CDCA5: variants seen among roughly 807,000 people sequenced by gnomAD.
CDCA5 encodes sororin.
A neutral mutation model predicts 25.7 loss-of-function variants in CDCA5; 14 were observed. That is an observed-to-expected ratio of 0.54 (90% CI 0.36 to 0.85). The LOEUF is 0.85. Among genes scored for constraint, CDCA5 ranks in the 40% least tolerant of loss-of-function variants. The pLI is 0.01. For missense variants in CDCA5, 307 were observed against 324.5 expected (o/e 0.95, Z 0.41); for synonymous variants, 127 against 128.7 (o/e 0.99, Z 0.09).
chr11:65,083,375 T>A lies in CDCA5; in HGVS notation c.232A>T (p.Arg78Trp). Residue 78 changes from arginine (R) to tryptophan (W), a missense_variant, in exon 4 of 6, where the codon AGG becomes TGG. Physicochemically the swap from Arg to Trp is moderately radical, Grantham distance 101 (BLOSUM62 -3). Coordinates refer to ENST00000275517, the MANE Select transcript of CDCA5 (RefSeq NM_080668.4). ...VEVPAVQSPRRSPRISFFLEK... is the reference protein window; with the variant it reads ...VEVPAVQSPRWSPRISFFLEK... ...GAAAGTGAACTCACCCTAGGGCTCC[T>A]GCGAGGTGATTGGACAGCTGGGACC... 1 of 1,614,214 alleles carries A rather than the reference T, an allele frequency of 6.2e-7. No homozygotes were observed. Among genetic ancestry groups the A allele is most frequent in the Non-Finnish European group, 8.5e-7 (1 of 1,180,048 alleles).
chr11:65,061,854 C>A (rs2137049283), downstream of CDCA5, among the ~76,000 whole-genome samples: 1 of 150,166 alleles, frequency 6.7e-6, no homozygotes, highest in South Asian at 2.1e-4. Flanking sequence ...AGACCAGAAA[C>A]CCGCAAGTAT....
Position 65,083,364 on chromosome 11 carries a change from C to T in CDCA5, c.243G>A (p.Arg81=), listed in dbSNP as rs895632769. ...ATTAAGTAGATGAAAGTGAACTCAC[C>T]CTAGGGCTCCTGCGAGGTGATTGGA... is the stretch of plus-strand genomic sequence containing the variant. ...PAVQSPRRSP[R]ISFFLEKENE... The change falls in exon 4 of 6, where the codon AGG becomes AGA. Residue 81 remains arginine, a splice_region_variant and synonymous_variant. Coordinates refer to ENST00000275517, the MANE Select transcript of CDCA5 (RefSeq NM_080668.4). 1.9e-6 allele frequency: 3 copies of T among 1,614,070 alleles called. No individual in the cohort carries two copies. Among genetic ancestry groups the T allele is most frequent in the Non-Finnish European group, 2.5e-6 (3 of 1,180,008 alleles).
rs200080207 is a variant in CDCA5, at chr11:65,083,682, G to A, written c.88C>T (p.Gln30Ter). 1 of 1,614,180 alleles carries A rather than the reference G, an allele frequency of 6.2e-7. No homozygotes were observed. Among genetic ancestry groups the A allele is most frequent in the East Asian group, 2.2e-5 (1 of 44,880 alleles). Residue 30 changes from glutamine (Q) to a stop codon, truncating the protein, a stop_gained, in exon 2 of 6, where the codon CAG becomes TAG. Transcript: ENST00000275517. LOFTEE classifies it high-confidence loss of function. ...PSPTKPLRRS[Q>*]RKSGSELPSI... ...GGGAGTTCAGAGCCTGATTTCCGCT[G>A]GGACCTCCGCAGAGGCTTAGTAGGA... is the stretch of plus-strand genomic sequence containing the variant.
chr11:65,081,025 A>G (rs907881804), intron 4 of CDCA5, among the ~76,000 whole-genome samples: 3 of 152,220 alleles, frequency 2.0e-5, no homozygotes, highest in South Asian at 2.1e-4. Flanking sequence ...TGGGAACAGA[A>G]GGTGCAACAA....
chr11:65,067,699 C>T, exon 4 of CDCA5: 1 of 1,289,830 alleles, frequency 7.8e-7, no homozygotes, highest in Non-Finnish European at 1.0e-6. Flanking sequence ...TTGAGGTCCG[C>T]TGGGGGCCCC....
downstream of CDCA5, among the ~76,000 whole-genome samples, chr11:65,076,201 G>A (rs1033630494): frequency 1.3e-5 from 2 of 152,116 alleles, no homozygotes; most frequent in African/African-American, 4.8e-5. Context: ...CTGTAGCCCC[G>A]ACCTCCCAGG....
chr11:65,078,263 CT>C lies in CDCA5; in HGVS notation c.*843del. 1.0e-6 allele frequency: 1 copy of C among 985,452 alleles called. No individual in the cohort carries two copies. The highest frequency in any genetic ancestry group is 1.2e-6 in the Non-Finnish European group (1 of 829,956). The allele number at this position is 985,452 out of a possible 1,614,324, so 61.0% of individuals were successfully genotyped here. On this transcript the variant is annotated 3_prime_UTR_variant, in exon 6 of 6. Coordinates refer to ENST00000275517, the MANE Select transcript of CDCA5 (RefSeq NM_080668.4). ...TGACAAGAGGGGCCACCTTCCACCC[CT>C]GCAGCAGAGTGGTAAGACTCCAGCG...
At chr11:65,063,244 G>A (rs1165478414), downstream of CDCA5, among the ~76,000 whole-genome samples, 2 of 152,210 alleles carry the variant, frequency 1.3e-5, no homozygotes, top group Non-Finnish European at 1.5e-5. Flanking sequence ...TTTCAGTGCT[G>A]GGTGTTCCCA....
chr11:65,069,425 G>A (rs1947300084), intron 1 of CDCA5, among the ~76,000 whole-genome samples: 1 of 151,854 alleles, frequency 6.6e-6, no homozygotes, highest in Admixed American at 6.6e-5. Flanking sequence ...GCTTGTGGCT[G>A]TGTTATATTG....
chr11:65,082,063 G>GTA (rs1227850738), intron 4 of CDCA5, among the ~76,000 whole-genome samples: 1 of 152,182 alleles, frequency 6.6e-6, no homozygotes, highest in East Asian at 1.9e-4. Flanking sequence ...ACCCAGTACT[G>GTA]TATATCATCC....
exon 7 of CDCA5, chr11:65,066,456 T>A (rs1396388772): frequency 7.8e-7 from 1 of 1,283,884 alleles, no homozygotes; most frequent in African/African-American, 1.5e-5. Context: ...GAGACCTGCC[T>A]TCCGGGGGTT....
chr11:65,079,443 T>C lies in CDCA5; in HGVS notation c.588A>G (p.Ala196=), dbSNP rs1293252542. Residue 196 remains alanine, a synonymous_variant, in exon 5 of 6, where the codon GCA becomes GCG. Coordinates refer to ENST00000275517, the MANE Select transcript of CDCA5 (RefSeq NM_080668.4). ...GAGTCATGTCTGGGGCCCAGGGCTTTGCACAAACCCTGGGGACCTCGGTGA... is the reference window on the plus strand; with the variant it reads ...GAGTCATGTCTGGGGCCCAGGGCTTCGCACAAACCCTGGGGACCTCGGTGA... ...SKLTEVPRVC[A]KPWAPDMTLP... The C allele has an allele frequency of 6.2e-7, 1 of 1,614,064 alleles. No individual in the cohort carries two copies.
At chr11:65,066,974 C>T (rs1947251154) in intron 4 of CDCA5, 1 of 805,950 alleles carries the variant, frequency 1.2e-6, no homozygotes, top group Non-Finnish European at 1.8e-6. Context: ...GCCACCTGGT[C>T]CTATAGCCAC....
intron 1 of CDCA5, among the ~76,000 whole-genome samples, chr11:65,070,818 G>A (rs982116651): frequency 2.6e-5 from 4 of 152,104 alleles, no homozygotes; most frequent in Non-Finnish European, 4.4e-5. Context: ...TGCCTATCTA[G>A]AAGTGTTTTG....
intron 4 of CDCA5, chr11:65,067,026 G>A (rs562360207): frequency 3.3e-5 from 15 of 460,446 alleles, no homozygotes; most frequent in South Asian, 2.1e-4. Context: ...TTCCTGTCCC[G>A]GCAAAACCAC....
rs1947617963 is a variant in CDCA5 at position 65,083,482 on chromosome 11, T to C, written c.207+3A>G. The C allele has an allele frequency of 6.2e-7, 1 of 1,614,220 alleles. No individual in the cohort carries two copies. ...CACCCACAACACTCTCCTTAGCCTT[T>C]ACCTCTACAGCATGGGCCACGATCC... On this transcript the variant is annotated splice_donor_region_variant and intron_variant, in intron 3 of 5. Transcript: ENST00000275517.
At chr11:65,079,861 T>C in intron 4 of CDCA5, 74 bp from the exon 5 acceptor site, 1 of 1,240,582 alleles carries the variant, frequency 8.1e-7, no homozygotes, top group Non-Finnish European at 1.1e-6. Context: ...CCCGAGAAGA[T>C]TCAGGGTGGA....
downstream of CDCA5, among the ~76,000 whole-genome samples, chr11:65,063,599 C>G (rs576276521): frequency 6.6e-6 from 1 of 152,214 alleles, no homozygotes; most frequent in African/African-American, 2.4e-5. Context: ...TAGAATGCAG[C>G]GCCTGCACAT....
chr11:65,080,619 T>A (rs1471072862), intron 4 of CDCA5, among the ~76,000 whole-genome samples: 1 of 152,114 alleles, frequency 6.6e-6, no homozygotes, highest in Admixed American at 6.5e-5. Flanking sequence ...GAGGTCTCCC[T>A]TTGTTGCCCA....
Sources: gnomAD v4.1 joint callset for allele counts (sites outside exome capture counted in the v4.1 genomes callset) on GRCh38, gnomAD v4.1.1 for gene constraint, MANE v1.5 for transcripts, NCBI Gene and HGNC (gene_info 2026-07-23, HGNC 2026-07-21) for gene names.